Variants in CTNNA2 observed in about 807,000 individuals in gnomAD.
The protein encoded by CTNNA2 is catenin alpha 2, also known as catenin alpha-2.
Under a neutral mutation model 101.0 loss-of-function variants are expected in CTNNA2, and 42 were observed. The ratio of observed to expected loss-of-function variants is 0.42; its 90% CI spans 0.32 to 0.54. CTNNA2 has a LOEUF of 0.54. CTNNA2 is among the 20% of genes least tolerant of loss of function. The pLI, the probability that CTNNA2 is intolerant of heterozygous loss-of-function variation, is 0.14. For missense variants in CTNNA2, 871 were observed against 1,223.1 expected (o/e 0.71, Z 4.29); for synonymous variants, 450 against 456.4 (o/e 0.99, Z 0.18).
At chr2:80,232,376 T>G (rs868256420) in intron 7 of CTNNA2, among the ~76,000 whole-genome samples, 2,851 of 89,580 alleles carry the variant, frequency 0.032, 213 homozygotes, top group African/African-American at 0.11. Context: ...TTTTTTTTTT[T>G]TTTTTTTTTT....
intron 6 of CTNNA2, among the ~76,000 whole-genome samples, chr2:79,903,336 G>A (rs181198950): frequency 1.3e-3 from 197 of 151,974 alleles, no homozygotes; most frequent in African/African-American, 4.6e-3. Flanking sequence ...ATGCTGTCCT[G>A]CCTTCTGCTT....
At chr2:80,603,869 C>A in intron 15 of CTNNA2, 1 of 533,018 alleles carries the variant, frequency 1.9e-6, no homozygotes, top group Non-Finnish European at 3.3e-6. Context: ...AAAATGTGAA[C>A]ATGCACATAA....
At chr2:79,799,020 T>C (rs1374573586) in intron 3 of CTNNA2, among the ~76,000 whole-genome samples, 1 of 152,190 alleles carries the variant, frequency 6.6e-6, no homozygotes, top group Non-Finnish European at 1.5e-5. Context: ...TAGTACATCT[T>C]ACTCTCTTTT....
intron 4 of CTNNA2, among the ~76,000 whole-genome samples, chr2:79,392,901 T>C (rs1678190998): frequency 2.6e-5 from 4 of 152,218 alleles, no homozygotes; most frequent in African/African-American, 9.6e-5. Context: ...TAAATGGCAT[T>C]TCGTGGAATC....
chr2:79,233,178 T>C (rs905614104), intron 2 of CTNNA2, among the ~76,000 whole-genome samples: 2 of 152,202 alleles, frequency 1.3e-5, no homozygotes, highest in African/African-American at 4.8e-5. Flanking sequence ...TCTAACCTCT[T>C]GATAAAGGTG....
chr2:80,285,375 C>T (rs911537813), intron 7 of CTNNA2, among the ~76,000 whole-genome samples: 1 of 152,200 alleles, frequency 6.6e-6, no homozygotes, highest in Admixed American at 6.5e-5. Context: ...CCCACATTCT[C>T]ACTGGATTAT....
chr2:80,062,808 C>A (rs1697694898), intron 7 of CTNNA2, among the ~76,000 whole-genome samples: 1 of 151,122 alleles, frequency 6.6e-6, no homozygotes. Context: ...CATGTTCACG[C>A]CATTCTCCTG....
intron 9 of CTNNA2, among the ~76,000 whole-genome samples, chr2:80,446,885 T>G (rs1683117995): frequency 6.6e-6 from 1 of 152,176 alleles, no homozygotes; most frequent in African/African-American, 2.4e-5. Context: ...AAAATAATTT[T>G]CTCCTTAGGG....
At chr2:79,787,996 A>G (rs1211960144) in intron 3 of CTNNA2, among the ~76,000 whole-genome samples, 2 of 152,160 alleles carry the variant, frequency 1.3e-5, no homozygotes, top group African/African-American at 4.8e-5. Context: ...TACTAGTGCC[A>G]ATCTCACTCA....
intron 4 of CTNNA2, among the ~76,000 whole-genome samples, chr2:79,405,320 GTTTTTA>G (rs1048777865): frequency 6.6e-5 from 10 of 151,896 alleles, no homozygotes; most frequent in South Asian, 2.1e-4. Flanking sequence ...CTGACAATTT[GTTTTTA>G]TTTTTATTTT....
intron 16 of CTNNA2, among the ~76,000 whole-genome samples, chr2:80,606,098 A>G (rs1697977957): frequency 6.6e-6 from 1 of 151,820 alleles, no homozygotes; most frequent in Non-Finnish European, 1.5e-5. Context: ...TGTTGAGAAG[A>G]GTTGGGACGT....
At chr2:79,295,495 C>CT (rs1387884511) in intron 2 of CTNNA2, among the ~76,000 whole-genome samples, 2 of 151,714 alleles carry the variant, frequency 1.3e-5, no homozygotes, top group East Asian at 1.9e-4. Context: ...TTTTTCTTTT[C>CT]TTTTTTTTCT....
chr2:80,029,066 C>T (rs1695121398), intron 7 of CTNNA2, among the ~76,000 whole-genome samples: 1 of 152,140 alleles, frequency 6.6e-6, no homozygotes, highest in South Asian at 2.1e-4. Context: ...GAACTGAGTC[C>T]AAACAATTGT....
At chr2:80,549,536 C>T (rs990458025) in intron 11 of CTNNA2, among the ~76,000 whole-genome samples, 1 of 151,998 alleles carries the variant, frequency 6.6e-6, no homozygotes, top group Admixed American at 6.6e-5. Flanking sequence ...AAATATGTTG[C>T]AATCAAATGT....
intron 4 of CTNNA2, among the ~76,000 whole-genome samples, chr2:79,418,428 A>C (rs1678506401): frequency 6.6e-6 from 1 of 152,176 alleles, no homozygotes. Context: ...ACCTAAGCCC[A>C]GTAATAATTA....
chr2:79,634,233 CT>C (rs1679871231), intron 1 of CTNNA2, among the ~76,000 whole-genome samples: 1 of 152,144 alleles, frequency 6.6e-6, no homozygotes, highest in South Asian at 2.1e-4. Context: ...TGCAAGAGAC[CT>C]TATGCTTATC....
chr2:79,455,367 G>A (rs566722999), intron 4 of CTNNA2, among the ~76,000 whole-genome samples: 1 of 152,212 alleles, frequency 6.6e-6, no homozygotes, highest in East Asian at 1.9e-4. Flanking sequence ...GAAAAGTAAG[G>A]TCATCGCAGT....
intron 4 of CTNNA2, among the ~76,000 whole-genome samples, chr2:79,441,376 T>C (rs1458964346): frequency 6.6e-6 from 1 of 152,234 alleles, no homozygotes; most frequent in Non-Finnish European, 1.5e-5. Context: ...GTATGTGATG[T>C]GTTTTCAAAT....
chr2:79,942,950 C>T (rs1208994520), intron 7 of CTNNA2, among the ~76,000 whole-genome samples: 1 of 152,170 alleles, frequency 6.6e-6, no homozygotes, highest in African/African-American at 2.4e-5. Context: ...AGCATGGTGG[C>T]TTATGCCTGT....
Sources: gnomAD v4.1 joint callset for allele counts (sites outside exome capture counted in the v4.1 genomes callset) on GRCh38, gnomAD v4.1.1 for gene constraint, MANE v1.5 for transcripts, NCBI Gene and HGNC (gene_info 2026-07-23, HGNC 2026-07-21) for gene names.